The following COL11A1 variants were observed in gnomAD, a reference collection of about 807,000 sequenced individuals.
COL11A1 encodes collagen type XI alpha 1 chain.
In COL11A1, 74 loss-of-function variants were observed where a neutral mutation model predicts 265.2. The ratio of observed to expected loss-of-function variants is 0.28; its 90% CI spans 0.23 to 0.34. The LOEUF (loss-of-function observed/expected upper bound fraction) is 0.34, where lower values mean the gene tolerates loss of function less well. Among genes scored for constraint, COL11A1 ranks in the 10% least tolerant of loss-of-function variants. COL11A1 has a pLI of 1.00. For missense variants in COL11A1, 2,165 were observed against 2,263.6 expected, an observed-to-expected ratio of 0.96 and a Z score of 0.88; for synonymous variants, 816 against 727.6, an observed-to-expected ratio of 1.12 and a Z score of -1.96.
At chr1:102,956,366 T>C (rs1660373006) in intron 41 of COL11A1, among the ~76,000 whole-genome samples, 1 of 152,156 alleles carries the variant, frequency 6.6e-6, no homozygotes, top group African/African-American at 2.4e-5. Context: ...ATAAGCTCTT[T>C]GCAGGAAGGT....
At chr1:102,931,598 G>A (rs12032839) in intron 46 of COL11A1, among the ~76,000 whole-genome samples, 17,311 of 152,038 alleles carry the variant, frequency 0.11, 1,064 homozygotes, top group East Asian at 0.21. Context: ...TTCTGTAGAT[G>A]TCTATTAGGT....
intron 55 of COL11A1, 59 bp downstream of exon 55, chr1:102,898,882 A>T (rs1652792726): frequency 8.1e-7 from 1 of 1,227,956 alleles, no homozygotes; most frequent in Non-Finnish European, 1.1e-6. Flanking sequence ...ATTTTCAAAT[A>T]TAATACCTTG....
chr1:102,931,339 T>G (rs1657411385), intron 46 of COL11A1, among the ~76,000 whole-genome samples: 1 of 147,928 alleles, frequency 6.8e-6, no homozygotes, highest in Non-Finnish European at 1.5e-5. Flanking sequence ...TCTGCCTTCA[T>G]TTTGTTATGT....
intron 59 of COL11A1, 36 bp from the exon 60 acceptor site, chr1:102,888,955 T>C (rs1557777653): frequency 6.4e-7 from 1 of 1,567,412 alleles, no homozygotes; most frequent in Admixed American, 1.7e-5. Context: ...AGGGATTTTC[T>C]CAGCTATTTC....
chr1:102,920,477 G>GAATAC, intron 48 of COL11A1, 113 bp from the exon 49 acceptor site: 1 of 878,634 alleles, frequency 1.1e-6, no homozygotes, highest in Non-Finnish European at 1.9e-6. Context: ...AGTATTCTTA[G>GAATAC]TCATTTAAAG....
intron 36 of COL11A1, among the ~76,000 whole-genome samples, chr1:102,973,007 T>A (rs1557889404): frequency 6.6e-6 from 1 of 152,110 alleles, no homozygotes; most frequent in East Asian, 1.9e-4. Context: ...ATATATAAAA[T>A]TTTTTCCTGC....
At chr1:103,050,728 G>A (rs557619938) in intron 4 of COL11A1, among the ~76,000 whole-genome samples, 1 of 152,154 alleles carries the variant, frequency 6.6e-6, no homozygotes, top group African/African-American at 2.4e-5. Flanking sequence ...CCATCTTTGT[G>A]GTTTTATCTA....
intron 1 of COL11A1, among the ~76,000 whole-genome samples, chr1:103,102,193 A>G (rs1674332870): frequency 6.6e-6 from 1 of 152,112 alleles, no homozygotes; most frequent in African/African-American, 2.4e-5. Flanking sequence ...GGAGAAAGAA[A>G]TACATTAGAT....
rs189174669 is a variant in COL11A1, at chr1:102,957,601, C to T, written c.3168+4265G>A. ...ATATTAGTTTAATCAGTTTCATCTT[C>T]GATTCATTCAAAATAAGCAATAGTT... On this transcript the variant is annotated intron_variant, in intron 41 of 66. Transcript: ENST00000370096. Among the ~76,000 whole-genome samples, 76 of 152,070 alleles carry T rather than the reference C, an allele frequency of 5.0e-4. 1 individual carries two copies. Among genetic ancestry groups the T allele is most frequent in the African/African-American group, 1.7e-3 (71 of 41,536 alleles).
intron 4 of COL11A1, among the ~76,000 whole-genome samples, chr1:103,049,222 G>T (rs1206213728): frequency 6.6e-6 from 1 of 152,248 alleles, no homozygotes; most frequent in Non-Finnish European, 1.5e-5. Context: ...CATTATTATT[G>T]TGTGGGAGTC....
intron 57 of COL11A1, among the ~76,000 whole-genome samples, chr1:102,896,629 G>A (rs554921344): frequency 6.6e-6 from 1 of 152,246 alleles, no homozygotes; most frequent in South Asian, 2.1e-4. Flanking sequence ...TTACCTAAAG[G>A]ATTTGGAAAT....
Position 103,082,828 on chromosome 1 carries a change from G to A in COL11A1, c.251C>T (p.Ala84Val), listed in dbSNP as rs1290800296. The change falls in exon 2 of 67, where the codon GCC becomes GTC. Residue 84 changes from alanine to valine, a missense_variant. Transcript: ENST00000370096. Reference protein sequence around the residue: ...YRVSKQAQLSAPTKQLFPGGT... With the variant: ...YRVSKQAQLSVPTKQLFPGGT... The stretch of plus-strand genomic sequence containing the variant: ...ACCTGGAAATAACTGTTTTGTTGGG[G>A]CACTGAGTTGTGCTTGCTTTGAAAC... 6.2e-7 allele frequency: 1 copy of A among 1,613,196 alleles called. No homozygotes were observed. Among genetic ancestry groups the A allele is most frequent in the Admixed American group, 1.7e-5 (1 of 59,992 alleles).
At position 102,889,496 on chromosome 1, in the gene COL11A1, G is replaced by A. The variant is rs758235552; in HGVS notation, c.4423C>T (p.Leu1475Phe). The change falls in exon 59 of 67, where the codon CTC becomes TTC. Residue 1475 changes from leucine to phenylalanine, a missense_variant. Physicochemically the swap from Leu to Phe is conservative, Grantham distance 22. Coordinates refer to ENST00000370096, the MANE Select transcript of COL11A1 (RefSeq NM_001854.4). The stretch of plus-strand genomic sequence containing the variant: ...CCTGGAGATCCTTGAGTTCCAGGGA[G>A]CCCTCGGTCACCTTTTTCCCCTTGT... ...GEQGEKGDRG[L>F]PGTQGSPGAK... The A allele has an allele frequency of 1.1e-5, 18 of 1,613,526 alleles. No homozygotes were observed. In the South Asian group the frequency reaches 2.0e-4, roughly 18 times the overall value.
Position 103,014,831 on chromosome 1 carries a change from T to C in COL11A1, c.1489-237A>G, listed in dbSNP as rs12140023. Among the ~76,000 whole-genome samples, 15,167 of 152,150 alleles carry C rather than the reference T, an allele frequency of 0.1. 1,010 individuals are homozygous for C. The highest frequency in any genetic ancestry group is 0.14 in the Non-Finnish European group (9,505 of 67,964). ...TAGAAGAAGAAACTAGAAACTCTGT[T>C]TCAATTTTAAATGCTATAATTTCTA... On this transcript the variant is annotated intron_variant, in intron 12 of 66. Coordinates refer to ENST00000370096, the MANE Select transcript of COL11A1 (RefSeq NM_001854.4).
intron 65 of COL11A1, among the ~76,000 whole-genome samples, chr1:102,880,472 A>G (rs1446274884): frequency 6.6e-6 from 1 of 152,164 alleles, no homozygotes; most frequent in African/African-American, 2.4e-5. Context: ...CTATTTTTAG[A>G]TGATGTGTGT....
intron 8 of COL11A1, 104 bp from the exon 9 acceptor site, chr1:103,021,873 A>G: frequency 1.1e-6 from 1 of 892,976 alleles, no homozygotes; most frequent in South Asian, 1.4e-5. Context: ...TTGAAGACGG[A>G]GTCTCCCTCT....
At chr1:103,019,804 G>A (rs945701470) in intron 9 of COL11A1, among the ~76,000 whole-genome samples, 4 of 142,182 alleles carry the variant, frequency 2.8e-5, no homozygotes, top group Non-Finnish European at 6.0e-5. Flanking sequence ...TGATCTCATT[G>A]TTCAATTCCC....
chr1:103,004,650 A>G lies in COL11A1; in HGVS notation c.1857T>C (p.Gly619=). ...CAGGAGGACCTGGAGGACCTTGAGGACCTCGTTCACCCTGTTAAATCAATA... is the reference window on the plus strand; with the variant it reads ...CAGGAGGACCTGGAGGACCTTGAGGGCCTCGTTCACCCTGTTAAATCAATA... The part of the protein sequence containing the change: ...PGDKGHRGER[G]PQGPPGPPGD... The change falls in exon 19 of 67, where the codon GGT becomes GGC. Residue 619 remains glycine (G), a synonymous_variant. Transcript: ENST00000370096. 6.2e-7 allele frequency: 1 copy of G among 1,610,362 alleles called. No homozygotes were observed. The highest frequency in any genetic ancestry group is 8.5e-7 in the Non-Finnish European group (1 of 1,178,224).
At chr1:103,008,843 T>G (rs1665870953) in intron 14 of COL11A1, among the ~76,000 whole-genome samples, 2 of 152,202 alleles carry the variant, frequency 1.3e-5, no homozygotes, top group South Asian at 4.1e-4. Context: ...GCATTATTTA[T>G]GACTACACTG....
Sources: gnomAD v4.1 joint callset for allele counts (sites outside exome capture counted in the v4.1 genomes callset) on GRCh38, gnomAD v4.1.1 for gene constraint, MANE v1.5 for transcripts, NCBI Gene and HGNC (gene_info 2026-07-23, HGNC 2026-07-21) for gene names.